The following LCORL variants were observed in gnomAD, a reference collection of about 807,000 sequenced individuals.
LCORL encodes the protein ligand-dependent nuclear receptor corepressor-like protein.
Under a neutral mutation model 141.8 loss-of-function variants are expected in LCORL, and 41 were observed. The ratio of observed to expected loss-of-function variants is 0.29; its 90% confidence interval spans 0.23 to 0.38. The LOEUF is 0.38. Among genes scored for constraint, LCORL ranks in the 10% least tolerant of loss-of-function variants. LCORL has a pLI of 1.00. For synonymous variants in LCORL, 618 were observed against 694.1 expected (o/e 0.89, Z 1.72); for missense variants, 1,759 against 2,035.0 (o/e 0.86, Z 2.61).
Position 17,972,875 on chromosome 4 carries a change from ACT to A in LCORL, c.163_164del (p.Ser55TyrfsTer18). ...GTGGTCCATAAAGCCCTTCTAAAATACTCTCAAAACCTGTGTTTTTAGAGAGA... is the reference window on the plus strand; with the variant it reads ...GTGGTCCATAAAGCCCTTCTAAAATACTCAAAACCTGTGTTTTTAGAGAGA... On this transcript the variant is annotated frameshift_variant, in exon 2 of 8. Coordinates refer to ENST00000635767, the Ensembl canonical transcript of LCORL. LOFTEE classifies it high-confidence loss of function. 1 of 1,425,238 alleles carries A rather than the reference ACT, an allele frequency of 7.0e-7. No individual in the cohort carries two copies. The highest frequency in any genetic ancestry group is 9.2e-7 in the Non-Finnish European group (1 of 1,085,006). The allele number at this position is 1,425,238 out of a possible 1,614,324, so 88.3% of individuals were successfully genotyped here.
intron 2 of LCORL, among the ~76,000 whole-genome samples, chr4:17,967,139 T>C (rs1402073348): frequency 6.6e-6 from 1 of 152,096 alleles, no homozygotes; most frequent in African/African-American, 2.4e-5. Flanking sequence ...CATTTCTAAG[T>C]GAAAGAAGCA....
exon 7 of LCORL, chr4:17,878,201 A>G: frequency 8.1e-7 from 1 of 1,229,392 alleles, no homozygotes; most frequent in Non-Finnish European, 1.0e-6. Flanking sequence ...CTGATTTTGC[A>G]TCAACAGTTG....
intron 7 of LCORL, among the ~76,000 whole-genome samples, chr4:17,849,708 A>G (rs1444620044): frequency 1.3e-5 from 2 of 152,306 alleles, no homozygotes; most frequent in Non-Finnish European, 2.9e-5. Context: ...ATACTGCCCA[A>G]GGTAATTTAT....
chr4:17,952,455 G>T (rs757690830), intron 4 of LCORL, among the ~76,000 whole-genome samples: 9 of 135,584 alleles, frequency 6.6e-5, no homozygotes, highest in Non-Finnish European at 1.4e-4. Context: ...TTGTTCTGTC[G>T]CCCAGGCTGG....
chr4:17,973,175 G>A (rs947458244), intron 1 of LCORL, among the ~76,000 whole-genome samples: 4 of 151,790 alleles, frequency 2.6e-5, no homozygotes, highest in Non-Finnish European at 4.4e-5. Flanking sequence ...ATTATGGGCA[G>A]ATTTTGTATG....
rs75420763 is a variant in LCORL, at chr4:18,011,741, T to C, written c.154+9857A>G. 1.8e-3 allele frequency among the ~76,000 whole-genome samples: 276 copies of C among 152,346 alleles called. 1 individual carries two copies. Among genetic ancestry groups the C allele is most frequent in the African/African-American group, 6.5e-3 (269 of 41,564 alleles). On this transcript the variant is annotated intron_variant, in intron 1 of 7. Transcript: ENST00000635767. ...AGCCATGCTTATTAATTTATGTCTT[T>C]CTTTTGGACTACAACAGTGGAGGTG... is the stretch of plus-strand genomic sequence containing the variant.
At chr4:17,855,577 T>C (rs1298218966) in intron 7 of LCORL, among the ~76,000 whole-genome samples, 2 of 152,206 alleles carry the variant, frequency 1.3e-5, no homozygotes, top group Non-Finnish European at 2.9e-5. Flanking sequence ...CTTTGCCCTA[T>C]AATTTTGCAG....
At chr4:17,941,760 C>A (rs982371198) in intron 4 of LCORL, among the ~76,000 whole-genome samples, 7 of 152,080 alleles carry the variant, frequency 4.6e-5, no homozygotes, top group African/African-American at 1.7e-4. Context: ...ATACATTACC[C>A]CAATGTTCAT....
chr4:17,907,723 TAA>T (rs1271886487), intron 5 of LCORL, among the ~76,000 whole-genome samples: 2 of 152,190 alleles, frequency 1.3e-5, no homozygotes, highest in East Asian at 3.8e-4. Flanking sequence ...ACCGGCTTTT[TAA>T]AGCTCATCAG....
chr4:17,876,915 AATG>A (rs1461227115), exon 7 of LCORL: 1 of 1,230,792 alleles, frequency 8.1e-7, no homozygotes, highest in Non-Finnish European at 1.0e-6. Context: ...ATTTGGTGAA[AATG>A]ATGTTTCAGC....
chr4:17,963,379 A>AAT (rs1714233439), intron 2 of LCORL, among the ~76,000 whole-genome samples: 1 of 152,012 alleles, frequency 6.6e-6, no homozygotes, highest in African/African-American at 2.4e-5. Flanking sequence ...TTGCTATGAA[A>AAT]GGAATCAGAA....
intron 1 of LCORL, among the ~76,000 whole-genome samples, chr4:18,004,819 G>A (rs1054569222): frequency 6.6e-6 from 1 of 152,184 alleles, no homozygotes; most frequent in Admixed American, 6.5e-5. Flanking sequence ...AGATACAATG[G>A]GGGTAACAGA....
At chr4:17,887,910 C>G (rs140656157) in intron 5 of LCORL, among the ~76,000 whole-genome samples, 140 of 152,148 alleles carry the variant, frequency 9.2e-4, no homozygotes, top group African/African-American at 3.3e-3. Context: ...CTCCTGACCC[C>G]CGCCTCACCC....
chr4:17,873,577 C>T, exon 7 of LCORL: 1 of 1,233,806 alleles, frequency 8.1e-7, no homozygotes. Context: ...CCAAGATGGT[C>T]AGCAAATTCA....
At chr4:17,936,836 C>G (rs974588430) in intron 4 of LCORL, among the ~76,000 whole-genome samples, 1 of 152,092 alleles carries the variant, frequency 6.6e-6, no homozygotes, top group Non-Finnish European at 1.5e-5. Context: ...AAGATCATTT[C>G]AGTTTCCCCC....
chr4:17,896,068 C>G (rs1033312276), intron 5 of LCORL, among the ~76,000 whole-genome samples: 1 of 152,134 alleles, frequency 6.6e-6, no homozygotes, highest in East Asian at 1.9e-4. Flanking sequence ...CAGAGTAGAA[C>G]TGTTGGGTTA....
intron 1 of LCORL, among the ~76,000 whole-genome samples, chr4:17,996,781 A>G (rs1268406791): frequency 2.3e-4 from 35 of 152,126 alleles, no homozygotes; most frequent in Admixed American, 2.2e-3. Flanking sequence ...AGAAAATTCC[A>G]GGTTCACTAA....
intron 1 of LCORL, among the ~76,000 whole-genome samples, chr4:17,998,492 A>T (rs1267982732): frequency 6.6e-6 from 1 of 152,076 alleles, no homozygotes; most frequent in African/African-American, 2.4e-5. Context: ...AAATACACAC[A>T]TTAGCCTAGG....
At chr4:17,862,574 T>A (rs548305566) in intron 7 of LCORL, among the ~76,000 whole-genome samples, 1 of 152,234 alleles carries the variant, frequency 6.6e-6, no homozygotes, top group South Asian at 2.1e-4. Context: ...AAGCTGCACA[T>A]CTACAACCAT....
Sources: allele counts gnomAD v4.1 joint callset (sites outside exome capture counted in the v4.1 genomes callset), GRCh38; gene constraint gnomAD v4.1.1; transcripts MANE v1.5; gene names NCBI Gene and HGNC (gene_info 2026-07-23, HGNC 2026-07-21).